The following PRKN variants were observed in gnomAD, a reference collection of about 807,000 sequenced individuals.
PRKN encodes parkin RBR E3 ubiquitin protein ligase, also known as E3 ubiquitin-protein ligase parkin.
PRKN carries 56 observed loss-of-function variants against 59.5 expected under a neutral mutation model. That is an observed-to-expected ratio of 0.94 (90% CI 0.76 to 1.18). The LOEUF (loss-of-function observed/expected upper bound fraction) is 1.18, where lower values mean the gene tolerates loss of function less well. PRKN is among the 50% of genes most tolerant of loss of function. The probability of loss-of-function intolerance (pLI) is 0.00; values close to 1 mark genes in which losing one functional copy is unlikely to be tolerated. For missense variants in PRKN, 657 were observed against 596.4 expected (o/e 1.10, Z -1.06); for synonymous variants, 250 against 222.1 (o/e 1.13, Z -1.12).
intron 6 of PRKN, among the ~76,000 whole-genome samples, chr6:161,872,276 T>G (rs970006889): frequency 6.6e-6 from 1 of 152,052 alleles, no homozygotes. Flanking sequence ...CCTGCACAGA[T>G]TCGAAAAGGT....
At chr6:162,418,387 T>C (rs1045765524) in intron 2 of PRKN, among the ~76,000 whole-genome samples, 4 of 151,900 alleles carry the variant, frequency 2.6e-5, no homozygotes, top group Non-Finnish European at 4.4e-5. Context: ...TCTTTTGGGG[T>C]TGATGAAAGT....
At chr6:161,913,166 T>A (rs1778428788) in intron 6 of PRKN, among the ~76,000 whole-genome samples, 1 of 100,652 alleles carries the variant, frequency 9.9e-6, no homozygotes, top group African/African-American at 3.8e-5. Context: ...AAACTCCATC[T>A]CAGGAAAAAA....
At chr6:162,637,915 T>A (rs1449286685) in intron 1 of PRKN, among the ~76,000 whole-genome samples, 4 of 152,132 alleles carry the variant, frequency 2.6e-5, no homozygotes, top group African/African-American at 9.7e-5. Flanking sequence ...TGCATAAAAC[T>A]ATGGCCCTAA....
intron 2 of PRKN, among the ~76,000 whole-genome samples, chr6:162,410,742 C>T (rs1181447898): frequency 3.3e-5 from 5 of 152,176 alleles, no homozygotes; most frequent in African/African-American, 4.8e-5. Context: ...GGAGGCTTTT[C>T]CTTAGTGATC....
intron 7 of PRKN, among the ~76,000 whole-genome samples, chr6:161,657,876 A>G (rs920936221): frequency 8.6e-5 from 13 of 151,932 alleles, no homozygotes; most frequent in Non-Finnish European, 1.3e-4. Context: ...AAATACAAAA[A>G]AAATTAGCTG....
intron 1 of PRKN, among the ~76,000 whole-genome samples, chr6:162,556,592 C>G (rs1201059163): frequency 6.6e-6 from 1 of 151,430 alleles, no homozygotes; most frequent in Admixed American, 6.6e-5. Context: ...ACTAAAAATA[C>G]AGAAATTAGC....
rs563596628 is a variant in PRKN at position 161,562,730 on chromosome 6, T to C, written c.933+6625A>G. On this transcript the variant is annotated intron_variant, in intron 8 of 11. Coordinates refer to ENST00000366898, the MANE Select transcript of PRKN (RefSeq NM_004562.3). The surrounding 1 kb of genome is among the most constrained non-coding windows in gnomAD (Gnocchi z 4.3). ...GAACTTTCAAACTCCTTCCTTTCCCTGACCCACAGCCAGTCAGTCACCAAG... is the reference window on the plus strand; with the variant it reads ...GAACTTTCAAACTCCTTCCTTTCCCCGACCCACAGCCAGTCAGTCACCAAG... Among the ~76,000 whole-genome samples the C allele has an allele frequency of 6.6e-6, 1 of 152,324 alleles. No individual in the cohort carries two copies. Among genetic ancestry groups the C allele is most frequent in the Non-Finnish European group, 1.5e-5 (1 of 68,020 alleles).
At chr6:161,712,718 C>T (rs865870151) in intron 7 of PRKN, among the ~76,000 whole-genome samples, 5 of 152,080 alleles carry the variant, frequency 3.3e-5, no homozygotes, top group South Asian at 2.1e-4. Context: ...AAAACATATA[C>T]GTATATAAAT....
intron 9 of PRKN, among the ~76,000 whole-genome samples, chr6:161,479,081 A>C (rs1468255210): frequency 1.3e-5 from 2 of 152,184 alleles, no homozygotes. Flanking sequence ...AAATTTCTGG[A>C]ATAACAACGC....
chr6:161,729,446 T>TA (rs1271024370), intron 7 of PRKN, among the ~76,000 whole-genome samples: 1 of 152,236 alleles, frequency 6.6e-6, no homozygotes, highest in Non-Finnish European at 1.5e-5. Flanking sequence ...AAGATATTAT[T>TA]ACATTTGATT....
intron 7 of PRKN, among the ~76,000 whole-genome samples, chr6:161,703,904 A>G (rs548268126): frequency 1.3e-4 from 17 of 131,214 alleles, no homozygotes; most frequent in African/African-American, 5.0e-4. Flanking sequence ...CACTCAGGCT[A>G]GAGTGCAGTG....
chr6:162,150,689 G>T (rs1413413441), intron 4 of PRKN, among the ~76,000 whole-genome samples: 1 of 152,084 alleles, frequency 6.6e-6, no homozygotes, highest in Non-Finnish European at 1.5e-5. Context: ...ACGAACTACA[G>T]CTTTCCCTGC....
intron 7 of PRKN, among the ~76,000 whole-genome samples, chr6:161,705,194 A>C (rs1316969657): frequency 1.3e-5 from 2 of 152,228 alleles, no homozygotes; most frequent in Non-Finnish European, 2.9e-5. Flanking sequence ...CCTCCCAATA[A>C]GCCCATTGTA....
chr6:162,217,795 T>G (rs1356297663), intron 3 of PRKN, among the ~76,000 whole-genome samples: 1 of 152,174 alleles, frequency 6.6e-6, no homozygotes, highest in Non-Finnish European at 1.5e-5. Context: ...AAAAACACTA[T>G]CATGGTATTG....
At chr6:162,337,278 GA>G (rs2091185747) in intron 2 of PRKN, among the ~76,000 whole-genome samples, 1 of 152,218 alleles carries the variant, frequency 6.6e-6, no homozygotes, top group African/African-American at 2.4e-5. Flanking sequence ...TAACAGTTAA[GA>G]AAAGTTATCT....
chr6:161,495,764 G>A (rs576570462), intron 9 of PRKN, among the ~76,000 whole-genome samples: 36 of 152,236 alleles, frequency 2.4e-4, no homozygotes, highest in Admixed American at 3.9e-4. Flanking sequence ...TGACAAGCAC[G>A]GTCATCTTCA....
chr6:161,730,261 C>T (rs1419254931), intron 7 of PRKN, among the ~76,000 whole-genome samples: 37 of 103,502 alleles, frequency 3.6e-4, no homozygotes, highest in Admixed American at 7.3e-4. Flanking sequence ...ATGTGTTGCC[C>T]TCTGATATGT....
intron 6 of PRKN, among the ~76,000 whole-genome samples, chr6:161,932,095 A>G (rs1779187161): frequency 1.3e-5 from 2 of 152,090 alleles, no homozygotes; most frequent in Non-Finnish European, 2.9e-5. Flanking sequence ...TCCTTTAAAT[A>G]TGTTAGATTA....
Position 162,262,655 on chromosome 6 carries a change from G to C in PRKN, c.282C>G (p.Gly94=). Residue 94 remains glycine, a synonymous_variant, in exon 3 of 12, where the codon GGC becomes GGG. Transcript: ENST00000366898. ...TCAAGCTCTGGGGCTCCCGCTCACA[G>C]CCTCCCGCCGCGTTTCTGGGGTCGT... ...GGDDPRNAAG[G]CEREPQSLTR... is the part of the protein sequence containing the mutation. The C allele has an allele frequency of 8.7e-6, 14 of 1,613,772 alleles. No individual in the cohort carries two copies. The highest frequency in any genetic ancestry group is 1.2e-5 in the Non-Finnish European group (14 of 1,179,988).
Sources: gnomAD v4.1 joint callset for allele counts (sites outside exome capture counted in the v4.1 genomes callset) on GRCh38, gnomAD v4.1.1 for gene constraint, Gnocchi (gnomAD v3.1) non-coding constraint, MANE v1.5 for transcripts, NCBI Gene and HGNC (gene_info 2026-07-23, HGNC 2026-07-21) for gene names.